MLIP: variants seen among roughly 807,000 people sequenced by gnomAD.
MLIP encodes the protein muscular LMNA-interacting protein.
In MLIP, 79 loss-of-function variants were observed where a neutral mutation model predicts 84.8. The observed-to-expected ratio is 0.93, with a 90% CI of 0.78 to 1.12. The LOEUF (loss-of-function observed/expected upper bound fraction) is 1.12, where lower values mean the gene tolerates loss of function less well. MLIP is among the 50% of genes most tolerant of loss of function. The pLI is 0.00. For synonymous variants in MLIP, 504 were observed against 463.0 expected (o/e 1.09, Z -1.14); for missense variants, 1,257 against 1,160.6 (o/e 1.08, Z -1.21).
At chr6:54,094,952 T>G (rs1219434586) in intron 1 of MLIP, among the ~76,000 whole-genome samples, 1 of 152,132 alleles carries the variant, frequency 6.6e-6, no homozygotes, top group Admixed American at 6.6e-5. Context: ...GAAAACAACC[T>G]CCAAACACAA....
chr6:54,112,184 G>A (rs1168315507), intron 1 of MLIP, among the ~76,000 whole-genome samples: 4 of 152,168 alleles, frequency 2.6e-5, no homozygotes, highest in African/African-American at 7.2e-5. Flanking sequence ...TGCATCTGTT[G>A]CTGCTTTGTG....
At chr6:54,136,053 T>C (rs1318158610) in intron 3 of MLIP, among the ~76,000 whole-genome samples, 1 of 152,212 alleles carries the variant, frequency 6.6e-6, no homozygotes, top group Non-Finnish European at 1.5e-5. Flanking sequence ...TTGTTAAATG[T>C]TCATTATATG....
At chr6:54,035,744 T>C (rs759718383) in intron 1 of MLIP, among the ~76,000 whole-genome samples, 2 of 152,122 alleles carry the variant, frequency 1.3e-5, no homozygotes, top group Non-Finnish European at 2.9e-5. Flanking sequence ...CATGTACTTA[T>C]TTGCCATATG....
chr6:54,063,438 AT>A (rs1766088014), intron 1 of MLIP: 1 of 152,092 alleles, frequency 6.6e-6, no homozygotes. Context: ...GTTTTGTAAT[AT>A]TTGCAGGAAA....
chr6:54,083,352 A>T, intron 1 of MLIP: 1 of 895,160 alleles, frequency 1.1e-6, no homozygotes, highest in Non-Finnish European at 1.6e-6. Flanking sequence ...TAATATATTC[A>T]GATGGGATTG....
At chr6:54,099,229 C>A (rs1768455787) in intron 1 of MLIP, among the ~76,000 whole-genome samples, 1 of 151,864 alleles carries the variant, frequency 6.6e-6, no homozygotes, top group Non-Finnish European at 1.5e-5. Flanking sequence ...AATTTGAAGT[C>A]TTGAAGAAAA....
intron 12 of MLIP, 69 bp downstream of exon 12, chr6:54,230,986 C>G: frequency 7.6e-7 from 1 of 1,321,918 alleles, no homozygotes; most frequent in Non-Finnish European, 1.1e-6. Flanking sequence ...ACTTTTAAAA[C>G]TTAAATGTGG....
At chr6:54,241,381 G>T (rs1007391327) in intron 12 of MLIP, among the ~76,000 whole-genome samples, 4 of 151,642 alleles carry the variant, frequency 2.6e-5, no homozygotes, top group Non-Finnish European at 2.9e-5. Flanking sequence ...ATTAGAATAA[G>T]TTATGAAATA....
intron 1 of MLIP, among the ~76,000 whole-genome samples, chr6:54,094,477 C>G (rs2150377469): frequency 6.6e-6 from 1 of 152,290 alleles, no homozygotes; most frequent in African/African-American, 2.4e-5. Context: ...TTCCTAAGAT[C>G]ACACCATCAG....
chr6:54,248,265 A>G (rs572655621), intron 12 of MLIP, among the ~76,000 whole-genome samples: 1 of 152,156 alleles, frequency 6.6e-6, no homozygotes, highest in South Asian at 2.1e-4. Context: ...GATATTGAAA[A>G]CAATTGAAAA....
chr6:54,233,970 T>A (rs1025849500), intron 12 of MLIP, among the ~76,000 whole-genome samples: 2 of 152,326 alleles, frequency 1.3e-5, no homozygotes, highest in Non-Finnish European at 2.9e-5. Flanking sequence ...TTTCTTCATA[T>A]GTTTGTTGGC....
Position 54,136,889 on chromosome 6 carries a change from T to C in MLIP, c.820T>C (p.Ser274Pro). 6.5e-7 allele frequency: 1 copy of C among 1,535,238 alleles called. No homozygotes were observed. Among genetic ancestry groups the C allele is most frequent in the Non-Finnish European group, 8.7e-7 (1 of 1,146,374 alleles). Reference protein sequence around the residue: ...LDVGGAVVEESATYFQTTAHS... With the variant: ...LDVGGAVVEEPATYFQTTAHS... ...TGTCGGTGGGGCCGTGGTGGAAGAATCAGCTACGTATTTTCAAACTACCGC... is the reference window on the plus strand; with the variant it reads ...TGTCGGTGGGGCCGTGGTGGAAGAACCAGCTACGTATTTTCAAACTACCGC... Residue 274 changes from serine (S) to proline (P), a missense_variant, in exon 4 of 14, where the codon TCA (serine) becomes CCA (proline). Physicochemically the swap from Ser to Pro is moderately conservative, Grantham distance 74. Coordinates refer to ENST00000502396, the MANE Select transcript of MLIP (RefSeq NM_001281747.2).
chr6:54,111,400 AGT>A (rs1561939441), upstream of MLIP: 121 of 1,499,794 alleles, frequency 8.1e-5, 1 homozygote, highest in South Asian at 5.7e-4. Flanking sequence ...TTTCTGCGTG[AGT>A]GTGTGTGTGT....
At chr6:54,259,445 G>A (rs1158942053) in intron 13 of MLIP, among the ~76,000 whole-genome samples, 4 of 151,818 alleles carry the variant, frequency 2.6e-5, no homozygotes, top group Non-Finnish European at 4.4e-5. Context: ...ACAAAAAAGA[G>A]AAAATGAATT....
At chr6:54,133,674 C>T (rs1212806152) in intron 3 of MLIP, among the ~76,000 whole-genome samples, 1 of 152,078 alleles carries the variant, frequency 6.6e-6, no homozygotes, top group African/African-American at 2.4e-5. Context: ...CAAGGCAGTT[C>T]TACAATAGAG....
intron 13 of MLIP, among the ~76,000 whole-genome samples, chr6:54,257,880 C>T (rs995280137): frequency 2.0e-5 from 3 of 152,060 alleles, no homozygotes; most frequent in African/African-American, 7.2e-5. Context: ...ATAGCCTCTA[C>T]ATTTCATGTA....
chr6:54,203,046 G>A (rs1778799723), intron 11 of MLIP, among the ~76,000 whole-genome samples: 1 of 152,116 alleles, frequency 6.6e-6, no homozygotes, highest in South Asian at 2.1e-4. Flanking sequence ...CAGAATCGGG[G>A]ATCAAGTCAT....
intron 12 of MLIP, among the ~76,000 whole-genome samples, chr6:54,251,965 ATT>A (rs1211420361): frequency 4.0e-5 from 3 of 75,172 alleles, no homozygotes; most frequent in South Asian, 8.6e-4. Context: ...AAATATATAT[ATT>A]ATAACATAAT....
At chr6:54,182,280 T>A (rs903562435) in intron 9 of MLIP, among the ~76,000 whole-genome samples, 1 of 152,210 alleles carries the variant, frequency 6.6e-6, no homozygotes, top group Non-Finnish European at 1.5e-5. Flanking sequence ...AGTTTTGCTT[T>A]CTGCTGTTAC....
Sources: gnomAD v4.1 joint callset for allele counts (sites outside exome capture counted in the v4.1 genomes callset) on GRCh38, gnomAD v4.1.1 for gene constraint, MANE v1.5 for transcripts, NCBI Gene and HGNC (gene_info 2026-07-23, HGNC 2026-07-21) for gene names.